Variants in VPS8 observed in about 807,000 individuals in gnomAD.
VPS8 encodes the protein vacuolar protein sorting-associated protein 8 homolog.
Under a neutral mutation model 216.4 loss-of-function variants are expected in VPS8, and 129 were observed. That is an observed-to-expected ratio of 0.60 (90% CI 0.52 to 0.69). The LOEUF is 0.69. VPS8 is among the 30% of genes least tolerant of loss of function. The pLI, the probability that VPS8 is intolerant of heterozygous loss-of-function variation, is 0.00. For missense variants in VPS8, 1,531 were observed against 1,683.5 expected, an observed-to-expected ratio of 0.91 and a Z score of 1.59; for synonymous variants, 571 against 565.4, an observed-to-expected ratio of 1.01 and a Z score of -0.14.
chr3:184,883,150 C>A (rs1049019841), intron 21 of VPS8, among the ~76,000 whole-genome samples: 2 of 152,126 alleles, frequency 1.3e-5, no homozygotes, highest in African/African-American at 4.8e-5. Flanking sequence ...TGATTTTAAA[C>A]CCCAGTGACT....
At chr3:185,005,799 A>AT (rs1368963166) in intron 45 of VPS8, among the ~76,000 whole-genome samples, 6 of 152,020 alleles carry the variant, frequency 3.9e-5, no homozygotes, top group African/African-American at 1.4e-4. Context: ...AGCTTATTGG[A>AT]TGGGTCTTTA....
intron 16 of VPS8, among the ~76,000 whole-genome samples, chr3:184,863,849 C>G (rs1044960871): frequency 6.6e-6 from 1 of 152,090 alleles, no homozygotes; most frequent in African/African-American, 2.4e-5. Context: ...GATGTGTAGG[C>G]TTTGCTCAAA....
chr3:184,923,817 C>T (rs997471964), intron 29 of VPS8, among the ~76,000 whole-genome samples: 2 of 152,180 alleles, frequency 1.3e-5, no homozygotes, highest in East Asian at 3.8e-4. Flanking sequence ...GACATTTCCC[C>T]CTTGTCAGAA....
At chr3:184,936,980 G>A (rs1045605929) in intron 35 of VPS8, among the ~76,000 whole-genome samples, 4 of 152,114 alleles carry the variant, frequency 2.6e-5, no homozygotes, top group Admixed American at 6.5e-5. Context: ...CTCATGATCC[G>A]CCTGCCTCGG....
chr3:184,890,966 G>C (rs1443760248), intron 22 of VPS8, among the ~76,000 whole-genome samples: 1 of 151,414 alleles, frequency 6.6e-6, no homozygotes, highest in Non-Finnish European at 1.5e-5. Flanking sequence ...GCAAAATATA[G>C]GCTATATGTT....
intron 1 of VPS8, among the ~76,000 whole-genome samples, chr3:184,818,562 G>T (rs2108475244): frequency 6.8e-6 from 1 of 146,484 alleles, no homozygotes; most frequent in Non-Finnish European, 1.5e-5. Flanking sequence ...GAAGGTAATA[G>T]AAAACTAATA....
At chr3:185,043,743 A>G (rs1180839805) in intron 46 of VPS8, among the ~76,000 whole-genome samples, 1 of 152,156 alleles carries the variant, frequency 6.6e-6, no homozygotes, top group Non-Finnish European at 1.5e-5. Flanking sequence ...TTTATACTTT[A>G]TAGAATGATG....
chr3:184,820,066 T>C (rs140636848), intron 1 of VPS8, among the ~76,000 whole-genome samples: 4 of 152,254 alleles, frequency 2.6e-5, no homozygotes, highest in South Asian at 2.1e-4. Flanking sequence ...CACTTGTAAG[T>C]GGACCCTTGA....
chr3:184,945,173 C>A (rs10937192), intron 36 of VPS8, among the ~76,000 whole-genome samples: 121,074 of 148,342 alleles, frequency 0.82, 50,247 homozygotes, highest in East Asian at 0.92. Context: ...CTCTCTCTCT[C>A]TATATATATA....
chr3:184,892,312 G>A (rs1560551650), intron 22 of VPS8, among the ~76,000 whole-genome samples: 1 of 152,102 alleles, frequency 6.6e-6, no homozygotes, highest in Non-Finnish European at 1.5e-5. Context: ...TGTCTCCTGG[G>A]TTCAAGCAAT....
rs1281930916 is a variant in VPS8, at chr3:184,951,417, G to A, written c.3036-5957G>A. ...GGAGGATCACTGGAGCCCAGGAGGC[G>A]GAGATTGCAGTGAGTTGAAATTACA... On this transcript the variant is annotated intron_variant, in intron 36 of 47. Transcript: ENST00000625842. Among the ~76,000 whole-genome samples the A allele has an allele frequency of 1.2e-4, 17 of 145,634 alleles. No homozygotes were observed. The South Asian group carries it at 2.0e-3, about 17-fold the overall frequency.
At chr3:184,972,054 G>A (rs1319278281) in intron 40 of VPS8, among the ~76,000 whole-genome samples, 2 of 148,376 alleles carry the variant, frequency 1.3e-5, no homozygotes, top group Admixed American at 6.9e-5. Context: ...CCAGCCCTGG[G>A]CAACAAGAGT....
rs1722519150 is a variant in VPS8, at chr3:184,843,258, A to C, written c.541+13A>C. On this transcript the variant is annotated intron_variant, in intron 8 of 47. Transcript: ENST00000625842. ...TCAAAAGGAAAAGGTATAGTAAGTA[A>C]TTTTAGTTTGCATGAATGGTTTCTT... 1.4e-6 allele frequency: 2 copies of C among 1,399,954 alleles called. No homozygotes were observed. Among genetic ancestry groups the C allele is most frequent in the African/African-American group, 1.4e-5 (1 of 69,634 alleles). 86.7% of individuals were successfully genotyped at this position (1,399,954 alleles called of 1,614,324 possible).
intron 29 of VPS8, among the ~76,000 whole-genome samples, chr3:184,920,846 A>G (rs561443745): frequency 6.6e-6 from 1 of 152,318 alleles, no homozygotes; most frequent in Admixed American, 6.5e-5. Flanking sequence ...TTAATGTTAA[A>G]TTATTTTGGA....
chr3:184,957,906 C>A (rs761027288), intron 37 of VPS8, among the ~76,000 whole-genome samples: 6 of 152,198 alleles, frequency 3.9e-5, no homozygotes, highest in Non-Finnish European at 8.8e-5. Flanking sequence ...AGATTCCTCC[C>A]GTGCCTGCTG....
chr3:184,820,057 A>G (rs757958995), intron 1 of VPS8, among the ~76,000 whole-genome samples: 4 of 152,084 alleles, frequency 2.6e-5, no homozygotes, highest in Non-Finnish European at 4.4e-5. Flanking sequence ...AAGAAAACCC[A>G]CTTGTAAGTG....
rs571625908 is a variant in VPS8 at position 184,875,232 on chromosome 3, C to A, written c.1734+4427C>A. ...TTTGTGTTTTACCAGCAGGTGGCACCTCCTGCCTGCTGCCTCAATTTTAAT... is the reference window on the plus strand; with the variant it reads ...TTTGTGTTTTACCAGCAGGTGGCACATCCTGCCTGCTGCCTCAATTTTAAT... On this transcript the variant is annotated intron_variant, in intron 21 of 47. Transcript: ENST00000625842. Among the ~76,000 whole-genome samples the A allele has an allele frequency of 2.4e-4, 37 of 151,988 alleles. 1 individual carries two copies. The highest frequency in any genetic ancestry group is 8.4e-4 in the African/African-American group (35 of 41,458).
At chr3:184,992,510 A>T (rs904244751) in intron 42 of VPS8, among the ~76,000 whole-genome samples, 2 of 151,908 alleles carry the variant, frequency 1.3e-5, no homozygotes, top group African/African-American at 4.8e-5. Flanking sequence ...TAGTTTTGTG[A>T]CTTAGAGAAG....
chr3:184,820,306 T>C (rs1402662609), intron 1 of VPS8, among the ~76,000 whole-genome samples: 1 of 152,210 alleles, frequency 6.6e-6, no homozygotes, highest in East Asian at 1.9e-4. Flanking sequence ...AGAGGCTGCC[T>C]GCATCCTTGG....
Sources: allele counts gnomAD v4.1 joint callset (sites outside exome capture counted in the v4.1 genomes callset), GRCh38; gene constraint gnomAD v4.1.1; transcripts MANE v1.5; gene names NCBI Gene and HGNC (gene_info 2026-07-23, HGNC 2026-07-21).